The following PNPLA3 variants were observed in gnomAD, a reference collection of about 807,000 sequenced individuals.
PNPLA3 encodes the protein 1-acylglycerol-3-phosphate O-acyltransferase PNPLA3.
PNPLA3 carries 42 observed loss-of-function variants against 43.1 expected under a neutral mutation model. The observed-to-expected ratio is 0.97, with a 90% CI of 0.76 to 1.26. The LOEUF (loss-of-function observed/expected upper bound fraction) is 1.26. PNPLA3 is among the 50% of genes most tolerant of loss of function. PNPLA3 has a pLI of 0.00. For synonymous variants in PNPLA3, 272 were observed against 253.6 expected, an observed-to-expected ratio of 1.07 and a Z score of -0.69; for missense variants, 647 against 621.4, an observed-to-expected ratio of 1.04 and a Z score of -0.44.
intron 7 of PNPLA3, among the ~76,000 whole-genome samples, chr22:43,940,452 G>T (rs553658861): frequency 1.3e-5 from 2 of 152,354 alleles, no homozygotes; most frequent in East Asian, 3.9e-4. Flanking sequence ...CCATAGAGAT[G>T]CCTAGTAGAA....
At chr22:43,929,565 C>A (rs375584839) in intron 3 of PNPLA3, among the ~76,000 whole-genome samples, 8 of 148,446 alleles carry the variant, frequency 5.4e-5, no homozygotes, top group African/African-American at 1.7e-4. Flanking sequence ...TTAGGGGGAA[C>A]TATAACAGTC....
chr22:43,924,997 C>T (rs1007959994), intron 1 of PNPLA3, among the ~76,000 whole-genome samples: 2 of 152,032 alleles, frequency 1.3e-5, no homozygotes, highest in Non-Finnish European at 2.9e-5. Context: ...TGGGTAGCCT[C>T]CCAGAAGGGC....
intron 2 of PNPLA3, among the ~76,000 whole-genome samples, chr22:43,927,972 A>G (rs1456914505): frequency 2.0e-5 from 3 of 152,188 alleles, no homozygotes; most frequent in African/African-American, 2.4e-5. Context: ...AGCTTCCTCT[A>G]TGCATCTTCC....
At chr22:43,942,399 A>G (rs1351037447) in intron 7 of PNPLA3, among the ~76,000 whole-genome samples, 1 of 152,140 alleles carries the variant, frequency 6.6e-6, no homozygotes, top group Non-Finnish European at 1.5e-5. Flanking sequence ...CATCTCAGTG[A>G]TAGGTTGGCC....
At chr22:43,926,823 A>G (rs1192496266) in intron 1 of PNPLA3, 112 bp from the exon 2 acceptor site, 11 of 837,924 alleles carry the variant, frequency 1.3e-5, no homozygotes, top group Non-Finnish European at 2.1e-5. Context: ...AGTAGACAGT[A>G]CTGGTCTAGA....
At chr22:43,939,957 T>C in intron 6 of PNPLA3, 36 bp from the exon 7 acceptor site, 1 of 1,614,028 alleles carries the variant, frequency 6.2e-7, no homozygotes, top group Non-Finnish European at 8.5e-7. Flanking sequence ...TTTTTCACAG[T>C]GGTGGGAGAT....
In PNPLA3 at chr22:43,932,955, T is replaced by TG. The variant is rs747935033; in HGVS notation, c.568dup (p.Glu190GlyfsTer7). The TG allele has an allele frequency of 6.2e-7, 1 of 1,614,124 alleles. No individual in the cohort carries two copies. Among genetic ancestry groups the TG allele is most frequent in the Non-Finnish European group, 8.5e-7 (1 of 1,179,972 alleles). On this transcript the variant is annotated frameshift_variant, in exon 4 of 9. Coordinates refer to ENST00000216180, the MANE Select transcript of PNPLA3 (RefSeq NM_025225.3). LOFTEE classifies it high-confidence loss of function. Reference sequence around the variant, plus strand: ...CAACCATCACCGTGTCCCCCTTCTATGGGGAGTACGACATCTGCCCTAAAG... The same window carrying TG: ...CAACCATCACCGTGTCCCCCTTCTATGGGGGAGTACGACATCTGCCCTAAAG...
At chr22:43,937,456 C>T (rs573827508) in intron 6 of PNPLA3, among the ~76,000 whole-genome samples, 184 bp downstream of exon 6, 1 of 152,332 alleles carries the variant, frequency 6.6e-6, no homozygotes, top group East Asian at 1.9e-4. Flanking sequence ...CCCCAACCCC[C>T]CCAATCCTGG....
intron 8 of PNPLA3, among the ~76,000 whole-genome samples, chr22:43,945,346 C>T (rs1363491348): frequency 2.6e-5 from 4 of 152,104 alleles, no homozygotes; most frequent in South Asian, 2.1e-4. Flanking sequence ...CAGGGGATGC[C>T]GCTACTTCCT....
At chr22:43,928,604 G>A (rs2049940606) in intron 2 of PNPLA3, among the ~76,000 whole-genome samples, 1 of 151,530 alleles carries the variant, frequency 6.6e-6, no homozygotes, top group African/African-American at 2.4e-5. Flanking sequence ...GAAGTTCACT[G>A]ACAGGGTTGT....
intron 7 of PNPLA3, among the ~76,000 whole-genome samples, chr22:43,944,053 T>A (rs1312523327): frequency 6.6e-6 from 1 of 152,160 alleles, no homozygotes; most frequent in African/African-American, 2.4e-5. Context: ...CCCAAAGTGC[T>A]GGGATTACAG....
intron 7 of PNPLA3, among the ~76,000 whole-genome samples, chr22:43,944,148 T>A (rs1179724008): frequency 1.3e-5 from 2 of 152,134 alleles, no homozygotes; most frequent in African/African-American, 4.8e-5. Flanking sequence ...TCCCTCGCCT[T>A]CCTAGATTCC....
chr22:43,929,415 G>T (rs868001850), intron 3 of PNPLA3, among the ~76,000 whole-genome samples: 3 of 150,202 alleles, frequency 2.0e-5, no homozygotes, highest in African/African-American at 7.4e-5. Flanking sequence ...GGCGGAAGTT[G>T]CAGTGAGCCA....
At chr22:43,938,120 C>T (rs745954436) in intron 6 of PNPLA3, among the ~76,000 whole-genome samples, 10 of 152,164 alleles carry the variant, frequency 6.6e-5, no homozygotes, top group Non-Finnish European at 1.2e-4. Context: ...GACCTTGCAG[C>T]CTCTAGAACT....
At chr22:43,927,237 G>C in intron 2 of PNPLA3, 70 bp downstream of exon 2, 2 of 1,435,346 alleles carry the variant, frequency 1.4e-6, no homozygotes, top group Non-Finnish European at 1.9e-6. Flanking sequence ...GGTGGCTCAT[G>C]CCTGTCATCC....
At chr22:43,929,057 A>G (rs1340361943) in intron 3 of PNPLA3, among the ~76,000 whole-genome samples, 168 bp downstream of exon 3, 7 of 152,158 alleles carry the variant, frequency 4.6e-5, no homozygotes, top group African/African-American at 1.4e-4. Context: ...CCCTATTTCC[A>G]GGCTACCCGG....
In PNPLA3 at chr22:43,946,954, C is replaced by T. The variant is rs1274952375; in HGVS notation, c.*572C>T. The T allele has an allele frequency of 6.6e-6, 2 of 304,364 alleles. No individual in the cohort carries two copies. The highest frequency in any genetic ancestry group is 1.3e-5 in the Non-Finnish European group (2 of 155,776). The allele number at this position is 304,364 out of a possible 1,614,324, so 18.9% of individuals were successfully genotyped here. On this transcript the variant is annotated 3_prime_UTR_variant, in exon 9 of 9. Coordinates refer to ENST00000216180, the MANE Select transcript of PNPLA3 (RefSeq NM_025225.3). Reference sequence around the variant, plus strand: ...CTTAATTTTAGAACACCTTTTTCACCTAACTAAAATAATGTTTAAAGAGTT... The same window carrying T: ...CTTAATTTTAGAACACCTTTTTCACTTAACTAAAATAATGTTTAAAGAGTT...
chr22:43,927,149 C>G lies in PNPLA3; in HGVS notation c.402C>G (p.Ser134=). 1.2e-6 allele frequency: 2 copies of G among 1,614,102 alleles called. No individual in the cohort carries two copies. The highest frequency in any genetic ancestry group is 1.7e-6 in the Non-Finnish European group (2 of 1,179,974). The change falls in exon 2 of 9, where the codon TCC becomes TCG. Residue 134 remains serine (S), a synonymous_variant. Coordinates refer to ENST00000216180, the MANE Select transcript of PNPLA3 (RefSeq NM_025225.3). ...ACGTTCTGGTGTCTGACTTTCGGTC[C>G]AAAGACGAAGTCGTGGATGTAAGCA... ...GENVLVSDFR[S]KDEVVDALVC... is the part of the protein sequence containing the mutation.
chr22:43,934,952 G>A (rs577078859), intron 5 of PNPLA3, among the ~76,000 whole-genome samples: 128 of 152,184 alleles, frequency 8.4e-4, no homozygotes, highest in African/African-American at 3.0e-3. Flanking sequence ...CCCTCCCCAG[G>A]GTCCCCTTAT....
Sources: gnomAD v4.1 joint callset for allele counts (sites outside exome capture counted in the v4.1 genomes callset) on GRCh38, gnomAD v4.1.1 for gene constraint, MANE v1.5 for transcripts, NCBI Gene and HGNC (gene_info 2026-07-23, HGNC 2026-07-21) for gene names.